Variants in IGDCC3 observed in about 807,000 individuals in gnomAD.
IGDCC3 encodes the protein putative neuronal cell adhesion molecule.
Under a neutral mutation model 72.0 loss-of-function variants are expected in IGDCC3, and 47 were observed. The observed-to-expected ratio is 0.65, with a 90% CI of 0.52 to 0.83. The LOEUF (loss-of-function observed/expected upper bound fraction) is 0.83. Ranked by LOEUF, IGDCC3 falls within the 40% of genes least tolerant of loss-of-function variation. The pLI is 0.00. For synonymous variants in IGDCC3, 477 were observed against 472.8 expected (o/e 1.01, Z -0.11); for missense variants, 1,038 against 1,091.3 (o/e 0.95, Z 0.69).
chr15:65,330,868 A>C (rs2090971002), intron 9 of IGDCC3, 127 bp from the exon 10 acceptor site: 2 of 1,076,874 alleles, frequency 1.9e-6, no homozygotes, highest in African/African-American at 1.6e-5. Flanking sequence ...GCATGTGCTT[A>C]TGAAAGCAGC....
chr15:65,357,838 A>G (rs1451156709), intron 2 of IGDCC3, among the ~76,000 whole-genome samples: 1 of 152,190 alleles, frequency 6.6e-6, no homozygotes, highest in Admixed American at 6.5e-5. Context: ...TCTTGGCATC[A>G]CAGCACCTGC....
chr15:65,349,117 A>C (rs1479948856), intron 2 of IGDCC3, among the ~76,000 whole-genome samples: 1 of 152,134 alleles, frequency 6.6e-6, no homozygotes, highest in Non-Finnish European at 1.5e-5. Flanking sequence ...TGAAACTCCT[A>C]GTTAGAGGTT....
chr15:65,368,092 A>C (rs2140169676), intron 2 of IGDCC3, among the ~76,000 whole-genome samples: 1 of 151,716 alleles, frequency 6.6e-6, no homozygotes, highest in East Asian at 1.9e-4. Context: ...CTTCTGTTGC[A>C]TTCTACGTTT....
chr15:65,334,672 C>A, intron 5 of IGDCC3, 56 bp downstream of exon 5: 1 of 1,443,942 alleles, frequency 6.9e-7, no homozygotes. Context: ...TGAGACCGGC[C>A]CTCCCAGGGG....
chr15:65,363,715 C>T (rs2091274644), intron 2 of IGDCC3, among the ~76,000 whole-genome samples: 1 of 152,116 alleles, frequency 6.6e-6, no homozygotes, highest in Non-Finnish European at 1.5e-5. Flanking sequence ...ATTCCAGTTC[C>T]TCTCCTGTGA....
chr15:65,331,018 C>T (rs1233898654), intron 9 of IGDCC3, 32 bp downstream of exon 9: 10 of 1,608,898 alleles, frequency 6.2e-6, no homozygotes, highest in Non-Finnish European at 6.8e-6. Flanking sequence ...GAGTGAGTGC[C>T]TGTGGTTTTG....
rs558699536 is a variant in IGDCC3, at chr15:65,362,652, G to A, written c.409+12445C>T. 5.3e-5 allele frequency among the ~76,000 whole-genome samples: 8 copies of A among 152,030 alleles called. No homozygotes were observed. The South Asian group carries it at 8.3e-4, about 16-fold the overall frequency. On this transcript the variant is annotated intron_variant, in intron 2 of 13. Transcript: ENST00000327987. ...CTTCAGAATGACTGATGACAGGGCC[G>A]TGCCCCCTCCCATTTTCCACAAAGA...
At chr15:65,369,399 A>G (rs2091309410) in intron 2 of IGDCC3, among the ~76,000 whole-genome samples, 1 of 152,150 alleles carries the variant, frequency 6.6e-6, no homozygotes, top group African/African-American at 2.4e-5. Flanking sequence ...TTTCTACCAC[A>G]CAACTTCTCA....
intron 5 of IGDCC3, among the ~76,000 whole-genome samples, chr15:65,334,133 G>C (rs979009389): frequency 6.6e-6 from 1 of 152,192 alleles, no homozygotes; most frequent in Admixed American, 6.5e-5. Flanking sequence ...ATGTGGCACA[G>C]TCTCCCTGTG....
rs2091352711 is a variant in IGDCC3, at chr15:65,375,399, A to C, written c.107T>G (p.Leu36Arg). The C allele has an allele frequency of 6.3e-7, 1 of 1,596,490 alleles. No individual in the cohort carries two copies. The highest frequency in any genetic ancestry group is 1.3e-5 in the African/African-American group (1 of 74,780). Residue 36 changes from leucine to arginine, a missense_variant, in exon 2 of 14, where the codon CTT becomes CGT. By Grantham distance (102) the Leu-to-Arg change is moderately radical. Transcript: ENST00000327987. The stretch of plus-strand genomic sequence containing the variant: ...AAATGCCAGTTCAGCAGAGTGGCCA[A>C]GACCTGCATTGGGGAAGGGGAGATG... ...LLLLPAPSEG[L>R]GHSAELAFAV... is the part of the protein sequence containing the mutation.
At chr15:65,370,448 A>G (rs760859303) in intron 2 of IGDCC3, among the ~76,000 whole-genome samples, 7 of 149,558 alleles carry the variant, frequency 4.7e-5, no homozygotes, top group Non-Finnish European at 1.0e-4. Flanking sequence ...CGGGAGGCAG[A>G]TGTTGCAGTG....
chr15:65,377,636 CT>C lies in IGDCC3; in HGVS notation c.103+49del. On this transcript the variant is annotated intron_variant, in intron 1 of 13. Coordinates refer to ENST00000327987, the MANE Select transcript of IGDCC3 (RefSeq NM_004884.4). This position sits in a 1 kb window ranked among gnomAD's most constrained non-coding sequence, Gnocchi z 4.9. ...CGCGCCCGCTCCCTCCCTGCTCGCC[CT>C]TCCCCTGGCTCCGTCCGCAACCGCC... is the stretch of plus-strand genomic sequence containing the variant. 1 of 1,381,856 alleles carries C rather than the reference CT, an allele frequency of 7.2e-7. No homozygotes were observed. Among genetic ancestry groups the C allele is most frequent in the South Asian group, 1.7e-5 (1 of 58,064 alleles). The allele number at this position is 1,381,856 out of a possible 1,614,324, so 85.6% of individuals were successfully genotyped here.
intron 2 of IGDCC3, among the ~76,000 whole-genome samples, chr15:65,360,784 C>CT (rs1188340733): frequency 5.9e-5 from 9 of 152,042 alleles, no homozygotes; most frequent in African/African-American, 9.7e-5. Context: ...TCTTTCTTTT[C>CT]TTTTTTTCTG....
At chr15:65,358,623 C>A (rs923110009) in intron 2 of IGDCC3, among the ~76,000 whole-genome samples, 1 of 151,956 alleles carries the variant, frequency 6.6e-6, no homozygotes, top group South Asian at 2.1e-4. Flanking sequence ...AGCCTCCGGG[C>A]CTAAATTAGA....
intron 4 of IGDCC3, 118 bp from the exon 5 acceptor site, chr15:65,334,983 T>C: frequency 8.1e-7 from 1 of 1,232,520 alleles, no homozygotes; most frequent in South Asian, 1.6e-5. Flanking sequence ...AACCAGGTCC[T>C]GTGGGCAGAG....
At chr15:65,332,251 GGT>G in intron 6 of IGDCC3, 145 bp from the exon 7 acceptor site, 1 of 977,568 alleles carries the variant, frequency 1.0e-6, no homozygotes, top group Non-Finnish European at 1.5e-6. Context: ...GACTCCTCCA[GGT>G]GGGGCCCAGC....
At chr15:65,335,184 C>A in intron 4 of IGDCC3, 107 bp downstream of exon 4, 2 of 1,248,518 alleles carry the variant, frequency 1.6e-6, no homozygotes, top group East Asian at 2.4e-5. Context: ...TCTGCACGCA[C>A]GTGGCTGAGA....
chr15:65,328,758 G>A lies in IGDCC3; in HGVS notation c.*151C>T. The A allele has an allele frequency of 1.0e-6, 1 of 972,020 alleles. No individual in the cohort carries two copies. Among genetic ancestry groups the A allele is most frequent in the Admixed American group, 3.1e-5 (1 of 32,672 alleles). 60.2% of individuals were successfully genotyped at this position (972,020 alleles called of 1,614,324 possible). A position where few individuals can be genotyped will look rare whatever the true frequency, so the allele number is the denominator to read the frequency against. The stretch of plus-strand genomic sequence containing the variant: ...GGGCCGGGGGGTCCCTGTCAAGGCT[G>A]CCTTGGGTTTTGACAACCCAAGAGG... On this transcript the variant is annotated 3_prime_UTR_variant, in exon 14 of 14. Transcript: ENST00000327987.
intron 2 of IGDCC3, among the ~76,000 whole-genome samples, chr15:65,336,374 G>A (rs1450760195): frequency 6.6e-6 from 1 of 152,076 alleles, no homozygotes; most frequent in African/African-American, 2.4e-5. Flanking sequence ...TTCTCCCTAA[G>A]GCAGGCAAGG....
Sources: allele counts gnomAD v4.1 joint callset (sites outside exome capture counted in the v4.1 genomes callset), GRCh38; gene constraint gnomAD v4.1.1; non-coding constraint Gnocchi (gnomAD v3.1); transcripts MANE v1.5; gene names NCBI Gene and HGNC (gene_info 2026-07-23, HGNC 2026-07-21).